SRRM4: variants seen among roughly 807,000 people sequenced by gnomAD.
SRRM4 encodes the protein serine/arginine repetitive matrix protein 4.
SRRM4 carries 33 observed loss-of-function variants against 68.9 expected under a neutral mutation model. The ratio of observed to expected loss-of-function variants is 0.48; its 90% CI spans 0.36 to 0.64. The LOEUF (loss-of-function observed/expected upper bound fraction) is 0.64. SRRM4 is among the 30% of genes least tolerant of loss of function. The pLI is 0.00. For synonymous variants in SRRM4, 318 were observed against 318.8 expected, an observed-to-expected ratio of 1.00 and a Z score of 0.03; for missense variants, 817 against 827.1, an observed-to-expected ratio of 0.99 and a Z score of 0.15.
intron 1 of SRRM4, among the ~76,000 whole-genome samples, chr12:119,009,295 C>A (rs911342659): frequency 1.3e-5 from 2 of 151,952 alleles, no homozygotes; most frequent in African/African-American, 4.8e-5. Flanking sequence ...GAGAGAAAGA[C>A]AATTAAAGTA....
chr12:119,098,498 A>G (rs1303155540), intron 1 of SRRM4, among the ~76,000 whole-genome samples: 2 of 152,222 alleles, frequency 1.3e-5, no homozygotes, highest in East Asian at 3.9e-4. Flanking sequence ...TTATTGATTC[A>G]TTGAAAAAAT....
At chr12:119,038,397 G>C (rs892125261) in intron 1 of SRRM4, among the ~76,000 whole-genome samples, 1 of 151,986 alleles carries the variant, frequency 6.6e-6, no homozygotes, top group Non-Finnish European at 1.5e-5. Flanking sequence ...ATTTTTAGTA[G>C]AGACGGGGTT....
At chr12:119,073,146 G>C (rs1476218805) in intron 1 of SRRM4, among the ~76,000 whole-genome samples, 2 of 151,980 alleles carry the variant, frequency 1.3e-5, no homozygotes, top group African/African-American at 4.8e-5. Flanking sequence ...GAACTAGATT[G>C]CCAAATGAAT....
intron 2 of SRRM4, among the ~76,000 whole-genome samples, chr12:119,108,555 T>C (rs1954121722): frequency 6.6e-6 from 1 of 152,234 alleles, no homozygotes; most frequent in East Asian, 1.9e-4. Context: ...AATTGATCCC[T>C]TTACCATAAT....
intron 5 of SRRM4, among the ~76,000 whole-genome samples, 154 bp from the exon 6 acceptor site, chr12:119,121,916 A>G (rs982551937): frequency 1.3e-5 from 2 of 152,210 alleles, no homozygotes; most frequent in South Asian, 2.1e-4. Context: ...TTGCTGCATG[A>G]AAATGTTGGC....
At chr12:119,127,455 C>T (rs1022404174) in intron 7 of SRRM4, among the ~76,000 whole-genome samples, 1 of 152,088 alleles carries the variant, frequency 6.6e-6, no homozygotes, top group African/African-American at 2.4e-5. Context: ...GAGCCAGGTA[C>T]AATGTCTCGC....
intron 1 of SRRM4, among the ~76,000 whole-genome samples, chr12:119,073,899 T>C (rs1024476791): frequency 6.6e-6 from 1 of 152,204 alleles, no homozygotes; most frequent in Non-Finnish European, 1.5e-5. Context: ...CCCAAAGTGC[T>C]GGGATTATAG....
chr12:119,111,318 AATGTAG>A (rs1954141881), intron 2 of SRRM4, among the ~76,000 whole-genome samples: 1 of 151,648 alleles, frequency 6.6e-6, no homozygotes, highest in South Asian at 2.1e-4. Flanking sequence ...GGGTAGAAGA[AATGTAG>A]ACCTACCAGG....
chr12:119,091,404 A>G lies in SRRM4; in HGVS notation c.132-10832A>G, dbSNP rs147394142. 2.1e-3 allele frequency among the ~76,000 whole-genome samples: 319 copies of G among 152,206 alleles called. 1 individual carries two copies. The highest frequency in any genetic ancestry group is 7.2e-3 in the African/African-American group (301 of 41,542). On this transcript the variant is annotated intron_variant, in intron 1 of 12. Transcript: ENST00000267260. Reference sequence around the variant, plus strand: ...GGGATCTCCTGGGACCCTCAAGAGCACTTCAACCTCCCATCCCTCTCCTTC... The same window carrying G: ...GGGATCTCCTGGGACCCTCAAGAGCGCTTCAACCTCCCATCCCTCTCCTTC...
intron 1 of SRRM4, among the ~76,000 whole-genome samples, chr12:119,043,364 G>A (rs998777140): frequency 5.3e-5 from 8 of 151,760 alleles, no homozygotes; most frequent in Non-Finnish European, 1.0e-4. Context: ...ACAGGGAGGG[G>A]AACAGGGGAA....
chr12:119,005,318 T>G (rs912386795), intron 1 of SRRM4, among the ~76,000 whole-genome samples: 1 of 152,216 alleles, frequency 6.6e-6, no homozygotes, highest in South Asian at 2.1e-4. Context: ...AGACGATAAA[T>G]GGAACAGTCT....
At chr12:119,021,827 C>T (rs897231151) in intron 1 of SRRM4, among the ~76,000 whole-genome samples, 11 of 152,160 alleles carry the variant, frequency 7.2e-5, no homozygotes, top group African/African-American at 2.7e-4. Flanking sequence ...TCTAGTCTAT[C>T]ATTGATGGGC....
chr12:119,051,438 C>T (rs1284112975), intron 1 of SRRM4, among the ~76,000 whole-genome samples: 1 of 152,172 alleles, frequency 6.6e-6, no homozygotes, highest in African/African-American at 2.4e-5. Flanking sequence ...GGAACCCAAG[C>T]ATGCAAGTTA....
chr12:119,074,491 G>A (rs1171544605), intron 1 of SRRM4, among the ~76,000 whole-genome samples: 2 of 152,140 alleles, frequency 1.3e-5, no homozygotes, highest in African/African-American at 4.8e-5. Flanking sequence ...CAGATGCAAA[G>A]ACAAGTATAT....
At chr12:119,125,623 A>G in intron 7 of SRRM4, 144 bp downstream of exon 7, 1 of 700,400 alleles carries the variant, frequency 1.4e-6, no homozygotes, top group South Asian at 2.0e-5. Flanking sequence ...ACTTCCCTGT[A>G]GAGAAAGGGC....
intron 1 of SRRM4, among the ~76,000 whole-genome samples, chr12:119,008,762 C>T (rs1953430886): frequency 1.3e-5 from 2 of 152,132 alleles, no homozygotes; most frequent in Non-Finnish European, 2.9e-5. Flanking sequence ...TTTTCCCCTC[C>T]CCCACCAGCC....
chr12:119,002,386 T>G (rs765470767), intron 1 of SRRM4, among the ~76,000 whole-genome samples: 1 of 152,138 alleles, frequency 6.6e-6, no homozygotes, highest in African/African-American at 2.4e-5. Flanking sequence ...TGCTAGGCAC[T>G]TGGTATATGA....
Position 119,122,111 on chromosome 12 carries a change from A to C in SRRM4, c.506A>C (p.His169Pro). ...AGCAAAAGAAGAGATGAGAAGAGGC[A>C]CAAGAAACAGTAAGTAGATACTACC... is the stretch of plus-strand genomic sequence containing the variant. ...PKSKRRDEKR[H>P]KKQSRSRPRK... Residue 169 changes from histidine to proline, a missense_variant, in exon 6 of 13, where the codon CAC (histidine) becomes CCC (proline). Physicochemically the swap from His to Pro is moderately conservative, Grantham distance 77. Coordinates refer to ENST00000267260, the MANE Select transcript of SRRM4 (RefSeq NM_194286.4). 6.2e-7 allele frequency: 1 copy of C among 1,609,836 alleles called. No homozygotes were observed. The highest frequency in any genetic ancestry group is 8.5e-7 in the Non-Finnish European group (1 of 1,176,112).
At chr12:119,155,471 T>C (rs890982456) in intron 12 of SRRM4, among the ~76,000 whole-genome samples, 2 of 152,226 alleles carry the variant, frequency 1.3e-5, no homozygotes, top group African/African-American at 2.4e-5. Flanking sequence ...CCTCAGCTTG[T>C]AAAGAATTCC....
Sources: gnomAD v4.1 joint callset for allele counts (sites outside exome capture counted in the v4.1 genomes callset) on GRCh38, gnomAD v4.1.1 for gene constraint, MANE v1.5 for transcripts, NCBI Gene and HGNC (gene_info 2026-07-23, HGNC 2026-07-21) for gene names.